The following IKZF2 variants were observed in gnomAD, a reference collection of about 807,000 sequenced individuals.
The protein encoded by IKZF2 is zinc finger protein Helios.
A neutral mutation model predicts 49.2 loss-of-function variants in IKZF2; 15 were observed. The observed-to-expected ratio is 0.30, with a 90% CI of 0.20 to 0.47. IKZF2 has a LOEUF of 0.47. IKZF2 is among the 20% of genes least tolerant of loss of function. IKZF2 has a pLI of 1.00. For synonymous variants in IKZF2, 227 were observed against 221.4 expected (o/e 1.03, Z -0.23); for missense variants, 567 against 664.6 (o/e 0.85, Z 1.61).
intron 4 of IKZF2, among the ~76,000 whole-genome samples, chr2:213,119,461 T>A (rs1047858312): frequency 6.6e-6 from 1 of 151,834 alleles, no homozygotes; most frequent in Admixed American, 6.6e-5. Context: ...AAAAATCTAA[T>A]GCTGCGAGCC....
At chr2:213,021,842 C>A (rs942416694) in intron 7 of IKZF2, 151 bp downstream of exon 7, 11 of 818,344 alleles carry the variant, frequency 1.3e-5, no homozygotes, top group Non-Finnish European at 1.9e-5. Flanking sequence ...TGCAAAATTT[C>A]AATACAGATT....
chr2:213,052,906 A>G (rs1700807053), intron 5 of IKZF2, among the ~76,000 whole-genome samples: 2 of 152,148 alleles, frequency 1.3e-5, no homozygotes, highest in African/African-American at 4.8e-5. Flanking sequence ...TCTTTTCTCT[A>G]TGCAAATGGT....
chr2:213,120,226 G>A (rs2060007442), intron 4 of IKZF2, among the ~76,000 whole-genome samples: 1 of 152,170 alleles, frequency 6.6e-6, no homozygotes, highest in Non-Finnish European at 1.5e-5. Context: ...GGGAGACAAA[G>A]ACATAAAACA....
At chr2:213,116,135 C>A (rs1159464463) in intron 4 of IKZF2, among the ~76,000 whole-genome samples, 2 of 152,178 alleles carry the variant, frequency 1.3e-5, no homozygotes, top group Non-Finnish European at 2.9e-5. Flanking sequence ...AAATGTTAAA[C>A]TCTTTCTTCG....
chr2:213,149,200 A>G (rs1466154560), intron 2 of IKZF2, among the ~76,000 whole-genome samples: 2 of 152,322 alleles, frequency 1.3e-5, no homozygotes, highest in South Asian at 2.1e-4. Context: ...TTGTATTGAC[A>G]TTTTAACCTA....
chr2:213,042,598 A>G (rs1487869195), intron 6 of IKZF2, among the ~76,000 whole-genome samples: 1 of 152,224 alleles, frequency 6.6e-6, no homozygotes, highest in Middle Eastern at 3.2e-3. Flanking sequence ...CACTTTGAAA[A>G]GATTCAATAA....
intron 6 of IKZF2, among the ~76,000 whole-genome samples, chr2:213,046,677 G>A (rs1411028653): frequency 1.3e-5 from 2 of 152,156 alleles, no homozygotes; most frequent in Admixed American, 6.5e-5. Flanking sequence ...GACGACTGGT[G>A]ACAGAAAGTC....
At chr2:213,127,046 T>C (rs16849799) in intron 4 of IKZF2, among the ~76,000 whole-genome samples, 20,945 of 152,156 alleles carry the variant, frequency 0.14, 3,369 homozygotes, top group African/African-American at 0.4. Context: ...AACCACAATA[T>C]GGAATGGTGA....
rs368809090 is a variant in IKZF2, at chr2:213,097,027, C to T, written c.140-39928G>A. On this transcript the variant is annotated intron_variant, in intron 4 of 8. Transcript: ENST00000434687. ...AGATTACAAAAGTTTTTTTGAAAAA[C>T]GCCAATTTAAAATCAATTATTGAAA... Among the ~76,000 whole-genome samples the T allele has an allele frequency of 4.2e-4, 64 of 151,806 alleles. 1 individual carries two copies. The South Asian group carries it at 0.012, about 30-fold the overall frequency.
chr2:213,136,370 CAAAAAAAAAAAA>C (rs11325415), intron 4 of IKZF2, among the ~76,000 whole-genome samples: 1 of 53,650 alleles, frequency 1.9e-5, no homozygotes, highest in Non-Finnish European at 3.4e-5. Context: ...GACACTGTCT[CAAAAAAAAAAAA>C]AAAAAAAAAG....
chr2:213,124,266 A>G (rs3953342), intron 4 of IKZF2, among the ~76,000 whole-genome samples: 16,073 of 126,586 alleles, frequency 0.13, 1,128 homozygotes, highest in African/African-American at 0.19. Flanking sequence ...ACACACACAC[A>G]CACACACACA....
intron 4 of IKZF2, chr2:213,081,137 G>A (rs557669989): frequency 1.0e-4 from 16 of 154,860 alleles, no homozygotes; most frequent in Middle Eastern, 5.2e-4. Flanking sequence ...CCAGGCCTGG[G>A]AAGAGTATAG....
chr2:213,007,621 A>T lies in IKZF2; in HGVS notation c.1320T>A (p.Asp440Glu). The T allele has an allele frequency of 6.2e-7, 1 of 1,613,682 alleles. No individual in the cohort carries two copies. The highest frequency in any genetic ancestry group is 8.5e-7 in the Non-Finnish European group (1 of 1,179,730). ...CCTTGGTAGTATCCAAAGCTTTGAC[A>T]TCCTCCTTCATGTAAGCTGGGCTTT... is the stretch of plus-strand genomic sequence containing the variant. Reference protein sequence around the residue: ...RKQSPAYMKEDVKALDTTKAP... With the variant: ...RKQSPAYMKEEVKALDTTKAP... The change falls in exon 9 of 9, where the codon GAT becomes GAA. Residue 440 changes from aspartate to glutamate, a missense_variant. Around this residue, in one of 5 missense-constraint regions of IKZF2, gnomAD observed 310 missense variants for 326.9 expected, o/e 0.95. Coordinates refer to ENST00000434687, the MANE Select transcript of IKZF2 (RefSeq NM_001387220.1).
At chr2:213,062,219 A>C (rs1173571622) in intron 4 of IKZF2, among the ~76,000 whole-genome samples, 2 of 151,688 alleles carry the variant, frequency 1.3e-5, no homozygotes, top group Non-Finnish European at 3.0e-5. Flanking sequence ...TGAGAACTGA[A>C]AATATCAATT....
chr2:213,134,405 A>C (rs1441696458), intron 4 of IKZF2, among the ~76,000 whole-genome samples: 1 of 152,250 alleles, frequency 6.6e-6, no homozygotes, highest in East Asian at 1.9e-4. Flanking sequence ...CATCCACGAT[A>C]ATTTAGGAAT....
rs1222460011 is a variant in IKZF2 at position 213,005,017 on chromosome 2, T to C, written c.*2343A>G. ...GAAAAAAAAATAAGTAGGAAGAAAATTCATAGATAATGCCAGCAGAAATTC... is the reference window on the plus strand; with the variant it reads ...GAAAAAAAAATAAGTAGGAAGAAAACTCATAGATAATGCCAGCAGAAATTC... On this transcript the variant is annotated 3_prime_UTR_variant, in exon 9 of 9. Transcript: ENST00000434687. 2.6e-5 allele frequency: 4 copies of C among 152,030 alleles called. No individual in the cohort carries two copies. The East Asian group carries it at 7.7e-4, about 29-fold the overall frequency. 9.4% of individuals were successfully genotyped at this position (152,030 alleles called of 1,614,324 possible).
At chr2:213,132,990 C>A (rs1314049018) in intron 4 of IKZF2, among the ~76,000 whole-genome samples, 6 of 152,178 alleles carry the variant, frequency 3.9e-5, no homozygotes, top group African/African-American at 7.2e-5. Context: ...AGATGAAAAG[C>A]AGAAATATTC....
chr2:213,051,593 A>G (rs1700678874), intron 5 of IKZF2, among the ~76,000 whole-genome samples: 1 of 151,882 alleles, frequency 6.6e-6, no homozygotes, highest in Admixed American at 6.6e-5. Context: ...TTTTACTTTT[A>G]CACACAATAT....
In IKZF2 at chr2:213,150,174, T is replaced by A; in HGVS notation, c.-46A>T. 2.3e-6 allele frequency: 3 copies of A among 1,303,780 alleles called. No homozygotes were observed. The highest frequency in any genetic ancestry group is 3.0e-6 in the Non-Finnish European group (3 of 988,318). 80.8% of individuals were successfully genotyped at this position (1,303,780 alleles called of 1,614,324 possible). A position where few individuals can be genotyped will look rare whatever the true frequency, so the allele number is the denominator to read the frequency against. ...AAATTGTCCTTTGATTAAAAAAGAT[T>A]CATCACCATTTCCAGCTCTGTCGGG... On this transcript the variant is annotated 5_prime_UTR_variant, in exon 2 of 9. Coordinates refer to ENST00000434687, the MANE Select transcript of IKZF2 (RefSeq NM_001387220.1).
Sources: gnomAD v4.1 joint callset for allele counts (sites outside exome capture counted in the v4.1 genomes callset) on GRCh38, gnomAD v4.1.1 for gene constraint, gnomAD v4.1.1 regional missense constraint, MANE v1.5 for transcripts, NCBI Gene and HGNC (gene_info 2026-07-23, HGNC 2026-07-21) for gene names.